The following CSGALNACT2 variants were observed in gnomAD, a reference collection of about 807,000 sequenced individuals.
The protein encoded by CSGALNACT2 is chondroitin sulfate N-acetylgalactosaminyltransferase 2, also known as beta 4 GalNAcT-2.
A neutral mutation model predicts 55.3 loss-of-function variants in CSGALNACT2; 35 were observed. The observed-to-expected ratio is 0.63, with a 90% confidence interval of 0.48 to 0.84. CSGALNACT2 has a LOEUF of 0.84. Ranked by LOEUF, CSGALNACT2 falls within the 40% of genes least tolerant of loss-of-function variation. The probability of loss-of-function intolerance (pLI) is 0.00; values close to 1 mark genes in which losing one functional copy is unlikely to be tolerated. For synonymous variants in CSGALNACT2, 196 were observed against 224.9 expected (o/e 0.87, Z 1.15); for missense variants, 544 against 657.5 (o/e 0.83, Z 1.89).
intron 4 of CSGALNACT2, 68 bp from the exon 5 acceptor site, chr10:43,163,798 G>A: frequency 6.6e-7 from 1 of 1,504,742 alleles, no homozygotes. Context: ...TTTGTAAGCT[G>A]TGTTGAAGGA....
intron 5 of CSGALNACT2, among the ~76,000 whole-genome samples, chr10:43,164,536 G>T (rs538581646): frequency 1.3e-5 from 2 of 152,210 alleles, no homozygotes; most frequent in Non-Finnish European, 2.9e-5. Flanking sequence ...TTTGCTTTAA[G>T]TTGTAGATAT....
intron 7 of CSGALNACT2, among the ~76,000 whole-genome samples, chr10:43,179,630 G>C (rs1410309484): frequency 2.0e-5 from 3 of 152,062 alleles, no homozygotes; most frequent in African/African-American, 7.2e-5. Flanking sequence ...TCTTGTTTTT[G>C]ACAATGCTCT....
chr10:43,178,198 G>A (rs781014408), intron 7 of CSGALNACT2, among the ~76,000 whole-genome samples: 17 of 152,262 alleles, frequency 1.1e-4, no homozygotes, highest in Non-Finnish European at 1.8e-4. Flanking sequence ...GTACCTGCAT[G>A]GGATTGGATC....
rs148072300 is a variant in CSGALNACT2 at position 43,158,781 on chromosome 10, C to T, written c.728C>T (p.Thr243Met). ...CTCTTTTTTAAGAAAGCAGACCTTA[C>T]GGAATATAGACATGTGACCCTCTTC... Reference protein sequence around the residue: ...YELFFKKADLTEYRHVTLFRP... With the variant: ...YELFFKKADLMEYRHVTLFRP... Residue 243 changes from threonine to methionine, a missense_variant, in exon 3 of 8, where the codon ACG becomes ATG. By Grantham distance (81) the Thr-to-Met change is moderately conservative (BLOSUM62 -1). Around this residue, in one of 2 missense-constraint regions of CSGALNACT2, gnomAD observed 374 missense variants for 401.3 expected, o/e 0.93. Transcript: ENST00000374466. 35 of 1,612,002 alleles carry T rather than the reference C, an allele frequency of 2.2e-5. No homozygotes were observed. Among genetic ancestry groups the T allele is most frequent in the Admixed American group, 1.5e-4 (9 of 59,998 alleles).
Position 43,183,586 on chromosome 10 carries a change from A to T in CSGALNACT2, c.*44A>T. 6.6e-7 allele frequency: 1 copy of T among 1,523,318 alleles called. No homozygotes were observed. The highest frequency in any genetic ancestry group is 1.1e-5 in the South Asian group (1 of 87,610). The allele number at this position is 1,523,318 out of a possible 1,614,324, so 94.4% of individuals were successfully genotyped here. A position where few individuals can be genotyped will look rare whatever the true frequency, so the allele number is the denominator to read the frequency against. On this transcript the variant is annotated 3_prime_UTR_variant, in exon 8 of 8. Coordinates refer to ENST00000374466, the MANE Select transcript of CSGALNACT2 (RefSeq NM_018590.5). ...ACTGTATGAACCACAAAACAGCACT[A>T]TTTATTTAGCCTTACTTCTACTTCC...
chr10:43,155,561 A>G lies in CSGALNACT2; in HGVS notation c.412A>G (p.Lys138Glu). 2 of 1,614,248 alleles carry G rather than the reference A, an allele frequency of 1.2e-6. No homozygotes were observed. Among genetic ancestry groups the G allele is most frequent in the Non-Finnish European group, 1.7e-6 (2 of 1,180,042 alleles). ...CAAAGCTGAAGTTAGCATAGGGGCC[A>G]AACTACCCAGTGAGTATGGGGTCAT... ...IDKAEVSIGAKLPSEYGVIPF... is the reference protein window; with the variant it reads ...IDKAEVSIGAELPSEYGVIPF... Residue 138 changes from lysine to glutamate, a missense_variant, in exon 2 of 8, where the codon AAA becomes GAA. Coordinates refer to ENST00000374466, the MANE Select transcript of CSGALNACT2 (RefSeq NM_018590.5).
chr10:43,162,878 T>C (rs377547798), intron 4 of CSGALNACT2: 4 of 985,274 alleles, frequency 4.1e-6, no homozygotes, highest in East Asian at 2.3e-4. Flanking sequence ...TGAGAACCAC[T>C]GCCCTAGCAG....
chr10:43,173,946 T>C (rs1839430792), intron 6 of CSGALNACT2, among the ~76,000 whole-genome samples: 3 of 152,124 alleles, frequency 2.0e-5, no homozygotes, highest in South Asian at 2.1e-4. Context: ...TGAGCCAAGA[T>C]TGTGCCACTG....
chr10:43,157,174 T>C (rs951745456), intron 2 of CSGALNACT2, among the ~76,000 whole-genome samples: 2 of 152,324 alleles, frequency 1.3e-5, no homozygotes, highest in Non-Finnish European at 2.9e-5. Flanking sequence ...TGTTTGTAGC[T>C]TATGGCAGAA....
At chr10:43,150,371 T>C (rs574944918) in intron 1 of CSGALNACT2, among the ~76,000 whole-genome samples, 13 of 152,350 alleles carry the variant, frequency 8.5e-5, no homozygotes, top group African/African-American at 3.1e-4. Context: ...TCCATATTCC[T>C]TTCTGGTATT....
rs11238450 is a variant in CSGALNACT2 at position 43,143,182 on chromosome 10, G to A, written c.-254+4615G>A. On this transcript the variant is annotated intron_variant, in intron 1 of 7. Coordinates refer to ENST00000374466, the MANE Select transcript of CSGALNACT2 (RefSeq NM_018590.5). ...AAGCCTATTGTGGACAAGACAAACTGAGAAAAAATATTTGCAACATGGTAA... is the reference window on the plus strand; with the variant it reads ...AAGCCTATTGTGGACAAGACAAACTAAGAAAAAATATTTGCAACATGGTAA... Among the ~76,000 whole-genome samples, 1,316 of 152,236 alleles carry A rather than the reference G, an allele frequency of 8.6e-3. 8 individuals are homozygous for A. The highest frequency in any genetic ancestry group is 0.013 in the Non-Finnish European group (892 of 68,006).
intron 1 of CSGALNACT2, among the ~76,000 whole-genome samples, chr10:43,146,028 C>T (rs1465927787): frequency 1.3e-5 from 2 of 151,898 alleles, no homozygotes; most frequent in Admixed American, 6.6e-5. Context: ...TTTAATTAGC[C>T]AAGTGTATTA....
At chr10:43,147,862 C>G (rs1211669667) in intron 1 of CSGALNACT2, among the ~76,000 whole-genome samples, 2 of 104,346 alleles carry the variant, frequency 1.9e-5, no homozygotes, top group African/African-American at 3.7e-5. Context: ...TGGGTTATTT[C>G]TTCACTTTCT....
In CSGALNACT2 at chr10:43,184,331, T is replaced by G. The variant is rs1342137086; in HGVS notation, c.*789T>G. On this transcript the variant is annotated 3_prime_UTR_variant, in exon 8 of 8. Transcript: ENST00000374466. ...ATGTTGGAATACAGGATCCTAGCTC[T>G]GTCTGGGAACATTAGTTTATTTGAG... 6.6e-6 allele frequency: 1 copy of G among 152,228 alleles called. No homozygotes were observed. Among genetic ancestry groups the G allele is most frequent in the East Asian group, 1.9e-4 (1 of 5,190 alleles). 9.4% of individuals were successfully genotyped at this position (152,228 alleles called of 1,614,324 possible). A position where few individuals can be genotyped will look rare whatever the true frequency, so the allele number is the denominator to read the frequency against.
intron 1 of CSGALNACT2, among the ~76,000 whole-genome samples, chr10:43,153,990 T>C (rs1268280348): frequency 3.3e-5 from 5 of 152,228 alleles, no homozygotes; most frequent in Admixed American, 1.3e-4. Flanking sequence ...AATAATCTAC[T>C]GGAGGACATT....
intron 1 of CSGALNACT2, among the ~76,000 whole-genome samples, chr10:43,144,037 G>A (rs1838689546): frequency 6.6e-6 from 1 of 152,074 alleles, no homozygotes; most frequent in South Asian, 2.1e-4. Flanking sequence ...TTTCTGACTG[G>A]TTATGTTTTC....
intron 3 of CSGALNACT2, among the ~76,000 whole-genome samples, chr10:43,160,000 G>A (rs773936543): frequency 2.6e-5 from 4 of 152,116 alleles, no homozygotes; most frequent in African/African-American, 7.2e-5. Flanking sequence ...CTTGAGATCC[G>A]ATTTCCTAAA....
chr10:43,174,911 A>G (rs1194181894), intron 6 of CSGALNACT2, among the ~76,000 whole-genome samples: 2 of 152,248 alleles, frequency 1.3e-5, no homozygotes, highest in Non-Finnish European at 2.9e-5. Context: ...TGAATAAAAT[A>G]AAAGGTTTAT....
At chr10:43,175,762 G>T (rs185057795) in intron 6 of CSGALNACT2, among the ~76,000 whole-genome samples, 189 bp from the exon 7 acceptor site, 1 of 152,146 alleles carries the variant, frequency 6.6e-6, no homozygotes, top group Non-Finnish European at 1.5e-5. Flanking sequence ...CTTGCACCTT[G>T]TACAGGCTTT....
Sources: gnomAD v4.1 joint callset for allele counts (sites outside exome capture counted in the v4.1 genomes callset) on GRCh38, gnomAD v4.1.1 for gene constraint, gnomAD v4.1.1 regional missense constraint, MANE v1.5 for transcripts, NCBI Gene and HGNC (gene_info 2026-07-23, HGNC 2026-07-21) for gene names.